Variants in OGFOD1 observed in about 807,000 individuals in gnomAD.
The protein encoded by OGFOD1 is 2-oxoglutarate and iron dependent oxygenase domain containing 1, also known as prolyl 3-hydroxylase OGFOD1.
In OGFOD1, 54 loss-of-function variants were observed where a neutral mutation model predicts 67.7. The ratio of observed to expected loss-of-function variants is 0.80; its 90% CI spans 0.64 to 1.00. The LOEUF is 1.00. Among genes scored for constraint, OGFOD1 ranks in the 50% least tolerant of loss-of-function variants. OGFOD1 has a pLI of 0.00. For missense variants in OGFOD1, 606 were observed against 646.7 expected, an observed-to-expected ratio of 0.94 and a Z score of 0.68; for synonymous variants, 221 against 227.0, an observed-to-expected ratio of 0.97 and a Z score of 0.24.
At chr16:56,473,997 C>A (rs112518561) in intron 10 of OGFOD1, among the ~76,000 whole-genome samples, 5,991 of 152,082 alleles carry the variant, frequency 0.039, 147 homozygotes, top group East Asian at 0.13. Context: ...TTAGTAGAAA[C>A]GGGGTTTTGC....
At position 56,451,645 on chromosome 16, in the gene OGFOD1, A is replaced by C. The variant is rs1596960950; in HGVS notation, c.33A>C (p.Pro11=). The C allele has an allele frequency of 6.2e-7, 1 of 1,614,008 alleles. No homozygotes were observed. The highest frequency in any genetic ancestry group is 8.5e-7 in the Non-Finnish European group (1 of 1,180,008). ...GGAAGCGGCCAGCGGAGCCCGGCCC[A>C]GCCCGGGTGGGAAAAAAGGGAAAGA... MNGKRPAEPG[P]ARVGKKGKKE... is the part of the protein sequence containing the mutation. The change falls in exon 1 of 13, where the codon CCA becomes CCC. Residue 11 remains proline (P), a synonymous_variant. Coordinates refer to ENST00000566157, the MANE Select transcript of OGFOD1 (RefSeq NM_018233.4).
rs1962344365 is a variant in OGFOD1 at position 56,451,757 on chromosome 16, T to C, written c.145T>C (p.Phe49Leu). The C allele has an allele frequency of 6.2e-7, 1 of 1,612,520 alleles. No individual in the cohort carries two copies. The highest frequency in any genetic ancestry group is 8.5e-7 in the Non-Finnish European group (1 of 1,179,848). Residue 49 changes from phenylalanine (F) to leucine (L), a missense_variant, in exon 1 of 13, where the codon TTC becomes CTC. By Grantham distance (22) the Phe-to-Leu change is conservative. Coordinates refer to ENST00000566157, the MANE Select transcript of OGFOD1 (RefSeq NM_018233.4). ...VAEAWSRRTP[F>L]SHEVIVMDMD... ...TGAGGCCTGGAGCCGCAGGACGCCG[T>C]TCAGTCACGGTAACCGGGTGCTCTC...
At chr16:56,463,116 T>C (rs1962771269) in intron 4 of OGFOD1, among the ~76,000 whole-genome samples, 1 of 152,218 alleles carries the variant, frequency 6.6e-6, no homozygotes, top group Non-Finnish European at 1.5e-5. Context: ...TCTTCAGAGG[T>C]ACCTATTGTC....
At chr16:56,453,573 T>C in intron 2 of OGFOD1, 165 bp downstream of exon 2, 1 of 614,800 alleles carries the variant, frequency 1.6e-6, no homozygotes, top group East Asian at 2.9e-5. Flanking sequence ...TACTGAGTGT[T>C]AACTATGTGT....
intron 6 of OGFOD1, 85 bp from the exon 7 acceptor site, chr16:56,467,080 A>T (rs1962933939): frequency 6.3e-7 from 1 of 1,584,794 alleles, no homozygotes; most frequent in African/African-American, 1.3e-5. Flanking sequence ...TTTAATGCTT[A>T]GCATGGAGGA....
Position 56,468,029 on chromosome 16 carries a change from C to A in OGFOD1, c.900+11C>A, listed in dbSNP as rs1447484584. 1 of 1,349,616 alleles carries A rather than the reference C, an allele frequency of 7.4e-7. No individual in the cohort carries two copies. Among genetic ancestry groups the A allele is most frequent in the Non-Finnish European group, 1.1e-6 (1 of 939,418 alleles). The allele number at this position is 1,349,616 out of a possible 1,614,324, so 83.6% of individuals were successfully genotyped here. A position where few individuals can be genotyped will look rare whatever the true frequency, so the allele number is the denominator to read the frequency against. Reference sequence around the variant, plus strand: ...AAGGAGTTTCTTAAGGTAAGCTTAGCGTATGTTGTTCTGAATATTTTGTTT... The same window carrying A: ...AAGGAGTTTCTTAAGGTAAGCTTAGAGTATGTTGTTCTGAATATTTTGTTT... On this transcript the variant is annotated intron_variant, in intron 8 of 12. Coordinates refer to ENST00000566157, the MANE Select transcript of OGFOD1 (RefSeq NM_018233.4).
At chr16:56,467,135 G>T in intron 6 of OGFOD1, 30 bp from the exon 7 acceptor site, 1 of 1,613,968 alleles carries the variant, frequency 6.2e-7, no homozygotes, top group East Asian at 2.2e-5. Flanking sequence ...TATTCTTCGT[G>T]TTGATGTGCT....
rs1274178838 is a variant in OGFOD1 at position 56,462,434 on chromosome 16, T to C, written c.348-100T>C. 7.2e-6 allele frequency: 5 copies of C among 697,988 alleles called. No homozygotes were observed. The Admixed American group carries it at 8.7e-5, about 12-fold the overall frequency. 43.2% of individuals were successfully genotyped at this position (697,988 alleles called of 1,614,324 possible). A position where few individuals can be genotyped will look rare whatever the true frequency, so the allele number is the denominator to read the frequency against. The stretch of plus-strand genomic sequence containing the variant: ...CGGAGAATGGATCTCTTGAATACAA[T>C]GTGATCTCCAGGAAAGAAAAGTTGT... On this transcript the variant is annotated intron_variant, in intron 3 of 12. Coordinates refer to ENST00000566157, the MANE Select transcript of OGFOD1 (RefSeq NM_018233.4).
chr16:56,462,409 C>T (rs773294358), intron 3 of OGFOD1, 125 bp from the exon 4 acceptor site: 4 of 628,866 alleles, frequency 6.4e-6, no homozygotes, highest in South Asian at 1.9e-5. Flanking sequence ...CAAATGAGAT[C>T]GGAGAATGGA....
Position 56,468,249 on chromosome 16 carries a change from A to AAC in OGFOD1, c.900+247_900+248dup, listed in dbSNP as rs369185879. On this transcript the variant is annotated intron_variant, in intron 8 of 12. Transcript: ENST00000566157. The stretch of plus-strand genomic sequence containing the variant: ...TATTCCCCAGTTCTCTAGAGTCTTA[A>AAC]ACACACACACACACACAAGCTTCCA... 4.6e-3 allele frequency among the ~76,000 whole-genome samples: 695 copies of AAC among 151,696 alleles called. 13 individuals carry two copies. In the South Asian group the frequency reaches 0.058, roughly 13 times the overall value.
intron 8 of OGFOD1, among the ~76,000 whole-genome samples, chr16:56,468,593 G>T (rs1388793243): frequency 6.6e-6 from 1 of 152,120 alleles, no homozygotes. Flanking sequence ...GGGCATGGTG[G>T]CATGCACCTG....
intron 3 of OGFOD1, chr16:56,458,991 TATCAGAA>T: frequency 5.4e-6 from 1 of 184,428 alleles, no homozygotes; most frequent in Admixed American, 5.6e-5. Context: ...TTGAAAGATG[TATCAGAA>T]CCCTTAAAAG....
Position 56,468,725 on chromosome 16 carries a change from C to CA in OGFOD1, c.900+723dup, listed in dbSNP as rs34973805. Among the ~76,000 whole-genome samples, 453 of 132,918 alleles carry CA rather than the reference C, an allele frequency of 3.4e-3. 1 individual carries two copies. Among genetic ancestry groups the CA allele is most frequent in the Non-Finnish European group, 5.0e-3 (303 of 60,980 alleles). 87.2% of individuals were successfully genotyped at this position (132,918 alleles called of 152,430 possible). Reference sequence around the variant, plus strand: ...TGGGTGACAGAGCGAGACTCCGTCTCAAAAAAAAAAAAAAAAGAAATCAGA... The same window carrying CA: ...TGGGTGACAGAGCGAGACTCCGTCTCAAAAAAAAAAAAAAAAAGAAATCAGA... On this transcript the variant is annotated intron_variant, in intron 8 of 12. Transcript: ENST00000566157.
At chr16:56,452,397 C>G (rs940804222) in intron 1 of OGFOD1, among the ~76,000 whole-genome samples, 7 of 152,164 alleles carry the variant, frequency 4.6e-5, no homozygotes, top group African/African-American at 1.7e-4. Context: ...TGAAAATAAA[C>G]GCGCTTTGAC....
chr16:56,474,788 G>A, intron 10 of OGFOD1, 40 bp from the exon 11 acceptor site: 1 of 1,568,780 alleles, frequency 6.4e-7, no homozygotes, highest in Non-Finnish European at 8.7e-7. Context: ...TTCTATCAAG[G>A]TTATTTTTTA....
rs1360021983 is a variant in OGFOD1, at chr16:56,477,314, G to C, written c.*1109G>C. On this transcript the variant is annotated 3_prime_UTR_variant, in exon 13 of 13. Transcript: ENST00000566157. ...GTTCCACCATGACTCTCACAGTACAGTGTAGGCTTAGTGTAGTATTATTCC... is the reference window on the plus strand; with the variant it reads ...GTTCCACCATGACTCTCACAGTACACTGTAGGCTTAGTGTAGTATTATTCC... 1 of 152,142 alleles carries C rather than the reference G, an allele frequency of 6.6e-6. No homozygotes were observed. 9.4% of individuals were successfully genotyped at this position (152,142 alleles called of 1,614,324 possible).
At position 56,454,015 on chromosome 16, in the gene OGFOD1, T is replaced by G. The variant is rs147983689; in HGVS notation, c.300+607T>G. On this transcript the variant is annotated intron_variant, in intron 2 of 12. Transcript: ENST00000566157. ...TACATGTGGGTAAGTGGTATGATGATGAAGAGAGTTGTACGTTGGGAGACA... is the reference window on the plus strand; with the variant it reads ...TACATGTGGGTAAGTGGTATGATGAGGAAGAGAGTTGTACGTTGGGAGACA... 3.3e-3 allele frequency among the ~76,000 whole-genome samples: 508 copies of G among 152,308 alleles called. 2 individuals are homozygous for G. The highest frequency in any genetic ancestry group is 3.9e-3 in the Non-Finnish European group (267 of 68,026).
chr16:56,474,810 C>CT lies in OGFOD1; in HGVS notation c.1286-7dup, dbSNP rs746791513. ...AAGGTTATTTTTTAAAGTTTCTCAT[C>CT]TTTTTTTTTTTCCTTAGAATCAAGT... On this transcript the variant is annotated splice_polypyrimidine_tract_variant and intron_variant, in intron 10 of 12. Transcript: ENST00000566157. 0.1 allele frequency: 98,228 copies of CT among 958,664 alleles called. No homozygotes were observed. Among genetic ancestry groups the CT allele is most frequent in the South Asian group, 0.13 (6,368 of 47,904 alleles). 59.4% of individuals were successfully genotyped at this position (958,664 alleles called of 1,614,324 possible).
In OGFOD1 at chr16:56,473,902, G is replaced by A. The variant is rs193139073; in HGVS notation, c.1286-926G>A. 3.6e-3 allele frequency among the ~76,000 whole-genome samples: 540 copies of A among 152,028 alleles called. 6 individuals carry two copies. Among genetic ancestry groups the A allele is most frequent in the African/African-American group, 0.012 (502 of 41,436 alleles). On this transcript the variant is annotated intron_variant, in intron 10 of 12. Coordinates refer to ENST00000566157, the MANE Select transcript of OGFOD1 (RefSeq NM_018233.4). Reference sequence around the variant, plus strand: ...GCTCACTGCAACCTCTGCCTCCCAGGTTCAAGCGATTCTCATGCCTCAGCC... The same window carrying A: ...GCTCACTGCAACCTCTGCCTCCCAGATTCAAGCGATTCTCATGCCTCAGCC...
Sources: allele counts gnomAD v4.1 joint callset (sites outside exome capture counted in the v4.1 genomes callset), GRCh38; gene constraint gnomAD v4.1.1; transcripts MANE v1.5; gene names NCBI Gene and HGNC (gene_info 2026-07-23, HGNC 2026-07-21).